The following CPNE4 variants were observed in gnomAD, a reference collection of about 807,000 sequenced individuals.
The protein encoded by CPNE4 is copine-4.
A neutral mutation model predicts 67.9 loss-of-function variants in CPNE4; 25 were observed. That is an observed-to-expected ratio of 0.37 (90% CI 0.27 to 0.51). The LOEUF is 0.51. CPNE4 is among the 20% of genes least tolerant of loss of function. CPNE4 has a pLI of 0.93. For synonymous variants in CPNE4, 242 were observed against 244.9 expected, an observed-to-expected ratio of 0.99 and a Z score of 0.11; for missense variants, 464 against 690.8, an observed-to-expected ratio of 0.67 and a Z score of 3.68.
chr3:131,668,280 A>G (rs1334151567), intron 7 of CPNE4, among the ~76,000 whole-genome samples: 1 of 152,240 alleles, frequency 6.6e-6, no homozygotes, highest in East Asian at 1.9e-4. Flanking sequence ...TCAATGAATC[A>G]AAAAATTGTA....
At chr3:131,817,116 A>G (rs556226479) in intron 2 of CPNE4, among the ~76,000 whole-genome samples, 1 of 152,330 alleles carries the variant, frequency 6.6e-6, no homozygotes, top group African/African-American at 2.4e-5. Context: ...GGAAAGGATG[A>G]GGAGGTGCAA....
At chr3:131,862,699 T>TTA (rs72370844) in intron 2 of CPNE4, among the ~76,000 whole-genome samples, 75,506 of 138,264 alleles carry the variant, frequency 0.55, 19,418 homozygotes, top group Admixed American at 0.65. Flanking sequence ...TTTTAAGTTC[T>TTA]TATATATATA....
intron 7 of CPNE4, among the ~76,000 whole-genome samples, chr3:131,650,516 G>A (rs2079782915): frequency 7.0e-6 from 1 of 142,230 alleles, no homozygotes; most frequent in Admixed American, 6.7e-5. Context: ...CCAGCACTCT[G>A]GGAGGCCGAG....
At chr3:131,729,888 T>G (rs1255279145) in intron 2 of CPNE4, among the ~76,000 whole-genome samples, 1 of 152,242 alleles carries the variant, frequency 6.6e-6, no homozygotes, top group African/African-American at 2.4e-5. Flanking sequence ...GCCTCCTGCC[T>G]AGTAAATTAT....
chr3:131,730,198 T>C (rs1377235206), intron 2 of CPNE4, among the ~76,000 whole-genome samples: 1 of 152,216 alleles, frequency 6.6e-6, no homozygotes, highest in Non-Finnish European at 1.5e-5. Context: ...TGATATATTG[T>C]TTAATTGGAA....
chr3:131,966,544 C>A (rs1034562759), intron 1 of CPNE4, among the ~76,000 whole-genome samples: 3 of 152,106 alleles, frequency 2.0e-5, no homozygotes, highest in Non-Finnish European at 2.9e-5. Context: ...GGGGATATCA[C>A]CACTGATCCC....
intron 2 of CPNE4, among the ~76,000 whole-genome samples, chr3:131,731,405 GCCT>G (rs2082124247): frequency 6.6e-6 from 1 of 152,116 alleles, no homozygotes; most frequent in Non-Finnish European, 1.5e-5. Flanking sequence ...TCCTTCGTTG[GCCT>G]CCTCAGTACC....
intron 2 of CPNE4, among the ~76,000 whole-genome samples, chr3:131,887,766 T>C (rs9289408): frequency 0.42 from 64,359 of 152,112 alleles, 15,814 homozygotes; most frequent in Admixed American, 0.59. Context: ...AATATGCCTA[T>C]GTTCCTCTTA....
At chr3:131,924,903 C>A (rs1404311413) in intron 1 of CPNE4, among the ~76,000 whole-genome samples, 1 of 152,132 alleles carries the variant, frequency 6.6e-6, no homozygotes, top group South Asian at 2.1e-4. Context: ...CAGCTCCCAC[C>A]TCTTCTTTGG....
chr3:131,708,327 G>A (rs953839262), intron 3 of CPNE4, among the ~76,000 whole-genome samples: 5 of 152,120 alleles, frequency 3.3e-5, no homozygotes, highest in Admixed American at 2.0e-4. Context: ...AGGGCAAGAG[G>A]AGATGAAGAG....
At chr3:131,580,127 C>A (rs1937701430) in intron 9 of CPNE4, among the ~76,000 whole-genome samples, 1 of 152,114 alleles carries the variant, frequency 6.6e-6, no homozygotes, top group African/African-American at 2.4e-5. Context: ...CAGTCAGCAA[C>A]CATCAATATC....
At chr3:131,550,996 GCTTCT>G (rs966897108) in intron 13 of CPNE4, among the ~76,000 whole-genome samples, 88 of 152,076 alleles carry the variant, frequency 5.8e-4, no homozygotes, top group African/African-American at 2.1e-3. Flanking sequence ...TATTCAAATG[GCTTCT>G]CTTGTTGTCT....
chr3:131,804,361 A>G (rs2084235850), intron 2 of CPNE4, among the ~76,000 whole-genome samples: 2 of 152,036 alleles, frequency 1.3e-5, no homozygotes, highest in South Asian at 2.1e-4. Flanking sequence ...CAAATTATAA[A>G]TATCTATAGA....
intron 2 of CPNE4, among the ~76,000 whole-genome samples, chr3:131,817,763 AG>A (rs1470148299): frequency 6.6e-6 from 1 of 152,262 alleles, no homozygotes; most frequent in Non-Finnish European, 1.5e-5. Flanking sequence ...TGTTCATGGC[AG>A]AAGTTACAGA....
intron 1 of CPNE4, among the ~76,000 whole-genome samples, chr3:131,963,765 C>T (rs780715369): frequency 6.6e-6 from 1 of 152,168 alleles, no homozygotes; most frequent in Non-Finnish European, 1.5e-5. Context: ...CTCCCATCTC[C>T]CTGGGACAGA....
intron 2 of CPNE4, among the ~76,000 whole-genome samples, chr3:131,817,208 G>C (rs558467928): frequency 6.6e-6 from 1 of 152,276 alleles, no homozygotes; most frequent in South Asian, 2.1e-4. Flanking sequence ...GGAAACTGGA[G>C]TGTGGGAGTG....
chr3:131,536,608 A>G (rs1314250347), intron 15 of CPNE4, among the ~76,000 whole-genome samples: 1 of 152,266 alleles, frequency 6.6e-6, no homozygotes, highest in Non-Finnish European at 1.5e-5. Context: ...AAAAGAGAAA[A>G]GAAAAATAAT....
intron 2 of CPNE4, among the ~76,000 whole-genome samples, chr3:131,837,800 T>C (rs2085616370): frequency 6.6e-6 from 1 of 152,010 alleles, no homozygotes; most frequent in Non-Finnish European, 1.5e-5. Context: ...GTCTTGATAA[T>C]TGTACTAAGG....
At chr3:131,830,179 C>G (rs745693793) in intron 2 of CPNE4, among the ~76,000 whole-genome samples, 6 of 152,188 alleles carry the variant, frequency 3.9e-5, no homozygotes, top group Non-Finnish European at 7.3e-5. Context: ...CCATCCTGCA[C>G]TGTCCTCTTG....
Sources: allele counts gnomAD v4.1 joint callset (sites outside exome capture counted in the v4.1 genomes callset), GRCh38; gene constraint gnomAD v4.1.1; transcripts MANE v1.5; gene names NCBI Gene and HGNC (gene_info 2026-07-23, HGNC 2026-07-21).